ITSN1: variants seen among roughly 807,000 people sequenced by gnomAD.
ITSN1 encodes the protein intersectin 1.
In ITSN1, 58 loss-of-function variants were observed where a neutral mutation model predicts 239.8. The ratio of observed to expected loss-of-function variants is 0.24; its 90% CI spans 0.20 to 0.30. ITSN1 has a LOEUF of 0.30. Ranked by LOEUF, ITSN1 falls within the 10% of genes least tolerant of loss-of-function variation. The pLI is 1.00. For synonymous variants in ITSN1, 780 were observed against 770.8 expected (o/e 1.01, Z -0.20); for missense variants, 1,558 against 2,103.3 (o/e 0.74, Z 5.07).
rs192749301 is a variant in ITSN1, at chr21:33,648,621, G to C, written c.-33+5908G>C. Among the ~76,000 whole-genome samples, 13 of 152,262 alleles carry C rather than the reference G, an allele frequency of 8.5e-5. No individual in the cohort carries two copies. The East Asian group carries it at 2.3e-3, about 27-fold the overall frequency. Reference sequence around the variant, plus strand: ...CAATACTTGAGAGGCCAAGGTGGGAGCATTACTTGAGCCCAGGAGTTCCAG... The same window carrying C: ...CAATACTTGAGAGGCCAAGGTGGGACCATTACTTGAGCCCAGGAGTTCCAG... On this transcript the variant is annotated intron_variant, in intron 1 of 39. Transcript: ENST00000381318.
chr21:33,792,052 TTTGTTAGACATTGTGATGAACAATGTC>T (rs1470703591), intron 16 of ITSN1, among the ~76,000 whole-genome samples: 1 of 152,158 alleles, frequency 6.6e-6, no homozygotes, highest in South Asian at 2.1e-4. Flanking sequence ...ACTTTATTTG[TTTGTTAGACATTGTGATGAACAATGTC>T]TAAGATTTAT....
chr21:33,792,229 G>C (rs917055642), intron 16 of ITSN1, among the ~76,000 whole-genome samples: 3 of 151,764 alleles, frequency 2.0e-5, no homozygotes, highest in African/African-American at 7.3e-5. Context: ...TTTTGAGACC[G>C]ATTCTTGCCT....
At chr21:33,777,201 G>A (rs2069708215) in intron 14 of ITSN1, among the ~76,000 whole-genome samples, 1 of 152,202 alleles carries the variant, frequency 6.6e-6, no homozygotes, top group African/African-American at 2.4e-5. Context: ...ATACACAGTT[G>A]TTATAGCACC....
intron 20 of ITSN1, among the ~76,000 whole-genome samples, chr21:33,802,683 G>A (rs1369307132): frequency 6.6e-6 from 1 of 152,164 alleles, no homozygotes. Flanking sequence ...AATGCTCTGT[G>A]TTTGGCAAGG....
At chr21:33,787,092 ATGAT>A (rs1251246894) in intron 16 of ITSN1, among the ~76,000 whole-genome samples, 1 of 152,226 alleles carries the variant, frequency 6.6e-6, no homozygotes, top group Non-Finnish European at 1.5e-5. Flanking sequence ...ATCGTGGAGT[ATGAT>A]TGATTCTTTC....
chr21:33,734,904 T>C (rs1388989037), intron 4 of ITSN1, 140 bp from the exon 5 acceptor site: 9 of 580,406 alleles, frequency 1.6e-5, no homozygotes, highest in Non-Finnish European at 2.6e-5. Flanking sequence ...CCCCATAGTT[T>C]GGTAAACAGT....
chr21:33,724,057 T>G (rs1258424305), intron 4 of ITSN1, among the ~76,000 whole-genome samples: 1 of 151,862 alleles, frequency 6.6e-6, no homozygotes, highest in Non-Finnish European at 1.5e-5. Flanking sequence ...GTAACTGTCC[T>G]GAAATAGCAA....
At chr21:33,811,347 A>G in intron 21 of ITSN1, 125 bp downstream of exon 21, 1 of 877,160 alleles carries the variant, frequency 1.1e-6, no homozygotes, top group Non-Finnish European at 1.7e-6. Context: ...GCTCATTTTC[A>G]GTACTCCTTT....
At chr21:33,734,561 A>C (rs141261954) in intron 4 of ITSN1, among the ~76,000 whole-genome samples, 3 of 152,216 alleles carry the variant, frequency 2.0e-5, no homozygotes, top group African/African-American at 7.2e-5. Context: ...TGAGGTTTGT[A>C]GAGCTCTACA....
intron 20 of ITSN1, among the ~76,000 whole-genome samples, chr21:33,809,880 G>A (rs1287229302): frequency 2.0e-5 from 3 of 152,064 alleles, no homozygotes; most frequent in Non-Finnish European, 2.9e-5. Context: ...TGCAACCTCC[G>A]TCTCCTGGGT....
At chr21:33,645,691 C>T (rs141982993) in intron 1 of ITSN1, among the ~76,000 whole-genome samples, 87 of 152,184 alleles carry the variant, frequency 5.7e-4, no homozygotes, top group African/African-American at 1.9e-3. Context: ...AAAATAAATA[C>T]GGGTTTCTGT....
intron 29 of ITSN1, chr21:33,836,974 C>T: frequency 1.2e-6 from 2 of 1,610,436 alleles, no homozygotes; most frequent in Non-Finnish European, 1.7e-6. Flanking sequence ...TGTTGTTTTC[C>T]TCCTTTTTCT....
chr21:33,740,793 G>A (rs570267804), intron 5 of ITSN1, among the ~76,000 whole-genome samples: 4 of 152,246 alleles, frequency 2.6e-5, no homozygotes, highest in South Asian at 4.1e-4. Context: ...GGCCAGGCAC[G>A]GTGGCTCATG....
intron 20 of ITSN1, among the ~76,000 whole-genome samples, chr21:33,803,677 G>C (rs903773192): frequency 6.6e-6 from 1 of 152,130 alleles, no homozygotes; most frequent in East Asian, 1.9e-4. Flanking sequence ...AGGGGCTTTC[G>C]TGTTGAATTT....
At chr21:33,733,127 A>AG (rs1259233162) in intron 4 of ITSN1, among the ~76,000 whole-genome samples, 1 of 152,148 alleles carries the variant, frequency 6.6e-6, no homozygotes, top group Non-Finnish European at 1.5e-5. Context: ...GGGAAAAAAA[A>AG]CCTTCCCAGA....
intron 11 of ITSN1, among the ~76,000 whole-genome samples, chr21:33,769,424 A>G (rs1602119268): frequency 6.6e-6 from 1 of 152,174 alleles, no homozygotes; most frequent in South Asian, 2.1e-4. Flanking sequence ...ACATAATACA[A>G]AATGTACAGT....
chr21:33,798,353 G>A (rs945747031), intron 18 of ITSN1, among the ~76,000 whole-genome samples: 4 of 151,742 alleles, frequency 2.6e-5, no homozygotes, highest in Non-Finnish European at 5.9e-5. Context: ...TCCCACCTTG[G>A]CCTTTCAGAG....
chr21:33,669,122 G>T (rs921110122), intron 1 of ITSN1, among the ~76,000 whole-genome samples: 3 of 152,216 alleles, frequency 2.0e-5, no homozygotes, highest in Non-Finnish European at 4.4e-5. Flanking sequence ...TTGCTCTGTT[G>T]CCCAGGCTGG....
chr21:33,755,638 G>A (rs1196574247), intron 8 of ITSN1, among the ~76,000 whole-genome samples: 1 of 152,158 alleles, frequency 6.6e-6, no homozygotes, highest in African/African-American at 2.4e-5. Flanking sequence ...TACGCTGAAA[G>A]CCACTGATAT....
Sources: gnomAD v4.1 joint callset for allele counts (sites outside exome capture counted in the v4.1 genomes callset) on GRCh38, gnomAD v4.1.1 for gene constraint, MANE v1.5 for transcripts, NCBI Gene and HGNC (gene_info 2026-07-23, HGNC 2026-07-21) for gene names.